The following VEGFD variants were observed in gnomAD, a reference collection of about 807,000 sequenced individuals.
VEGFD encodes vascular endothelial growth factor D.
Under a neutral mutation model 28.0 loss-of-function variants are expected in VEGFD, and 26 were observed. The ratio of observed to expected loss-of-function variants is 0.93; its 90% confidence interval spans 0.68 to 1.29. VEGFD has a LOEUF of 1.29. Ranked by LOEUF, VEGFD falls within the 50% of genes most tolerant of loss-of-function variation. VEGFD has a pLI of 0.00. For missense variants in VEGFD, 294 were observed against 273.4 expected (o/e 1.08, Z -0.53); for synonymous variants, 93 against 95.5 (o/e 0.97, Z 0.15).
chrX:15,349,588 T>C (rs780990000), intron 5 of VEGFD, among the ~76,000 whole-genome samples: 7 of 112,096 alleles, frequency 6.2e-5, no homozygotes, highest in East Asian at 2.8e-4. Flanking sequence ...AAGGAAGGGA[T>C]ATATTAAGTA....
intron 2 of VEGFD, 79 bp from the exon 3 acceptor site, chrX:15,358,272 AAC>A: frequency 1.2e-6 from 1 of 848,112 alleles, no homozygotes; most frequent in Non-Finnish European, 1.6e-6. Flanking sequence ...GGTTATGCTG[AAC>A]ACAGTCATTT....
intron 2 of VEGFD, among the ~76,000 whole-genome samples, chrX:15,361,229 G>A (rs909576115): frequency 8.9e-6 from 1 of 112,163 alleles, no homozygotes. Flanking sequence ...TTATGGTAAC[G>A]TTCATGTTCA....
At chrX:15,362,311 C>A (rs1288475196) in intron 2 of VEGFD, among the ~76,000 whole-genome samples, 4 of 111,557 alleles carry the variant, frequency 3.6e-5, no homozygotes, top group Admixed American at 9.5e-5. Flanking sequence ...AATACCAGTA[C>A]CCAATATTAC....
intron 1 of VEGFD, among the ~76,000 whole-genome samples, chrX:15,373,262 C>G: frequency 8.9e-6 from 1 of 111,918 alleles, no homozygotes; most frequent in South Asian, 3.7e-4. Flanking sequence ...GTAAGGCCAT[C>G]AGCAAAGAAG....
chrX:15,362,230 T>G (rs1466144978), intron 2 of VEGFD, among the ~76,000 whole-genome samples: 1 of 111,788 alleles, frequency 8.9e-6, no homozygotes, highest in East Asian at 2.8e-4. Context: ...TATTTCAAAT[T>G]ATGTTATTTT....
intron 5 of VEGFD, among the ~76,000 whole-genome samples, chrX:15,351,408 C>T (rs1037391255): frequency 8.4e-5 from 9 of 107,645 alleles, no homozygotes; most frequent in Non-Finnish European, 1.5e-4. Context: ...CGTGAGCCAC[C>T]GCGCCCGGCC....
At chrX:15,346,341 TTTTC>T in intron 6 of VEGFD, 82 bp from the exon 7 acceptor site, 16 of 1,033,952 alleles carry the variant, frequency 1.5e-5, no homozygotes. Context: ...TTTGATTAAG[TTTTC>T]CAGACATGTA....
At chrX:15,355,439 G>T in intron 3 of VEGFD, 141 bp from the exon 4 acceptor site, 1 of 420,167 alleles carries the variant, frequency 2.4e-6, no homozygotes, top group Non-Finnish European at 3.8e-6. Flanking sequence ...AACTAAACAG[G>T]CTCATCTAAC....
chrX:15,347,478 A>G, intron 5 of VEGFD, 119 bp from the exon 6 acceptor site: 1 of 504,553 alleles, frequency 2.0e-6, no homozygotes, highest in Non-Finnish European at 3.1e-6. Flanking sequence ...TCTCCTTCCT[A>G]TAGATTTATG....
intron 1 of VEGFD, among the ~76,000 whole-genome samples, chrX:15,366,076 G>A (rs1051272691): frequency 1.8e-5 from 2 of 111,396 alleles, no homozygotes; most frequent in South Asian, 7.5e-4. Flanking sequence ...GCGCGATCTC[G>A]GCTCACTGCA....
chrX:15,357,571 T>G (rs868739778), intron 3 of VEGFD, among the ~76,000 whole-genome samples: 1 of 111,947 alleles, frequency 8.9e-6, no homozygotes, highest in South Asian at 3.7e-4. Flanking sequence ...TTTCCCCAAT[T>G]CTGCCCACAA....
At chrX:15,382,618 A>G (rs1161448994) in intron 1 of VEGFD, among the ~76,000 whole-genome samples, 1 of 111,795 alleles carries the variant, frequency 8.9e-6, no homozygotes, top group Non-Finnish European at 1.9e-5. Context: ...TTCTCCTGTT[A>G]CCTATGCTTA....
At chrX:15,360,528 G>A (rs966945425) in intron 2 of VEGFD, among the ~76,000 whole-genome samples, 4 of 109,980 alleles carry the variant, frequency 3.6e-5, no homozygotes, top group South Asian at 3.9e-4. Context: ...TAGTAGAGAC[G>A]GAGTTTCACC....
At chrX:15,369,358 A>T (rs762553241) in intron 1 of VEGFD, among the ~76,000 whole-genome samples, 10 of 111,022 alleles carry the variant, frequency 9.0e-5, no homozygotes, top group Non-Finnish European at 1.9e-4. Flanking sequence ...AGGGGAAAAA[A>T]AAAACAGCAA....
chrX:15,351,100 C>T (rs1417286196), intron 5 of VEGFD, among the ~76,000 whole-genome samples: 2 of 80,130 alleles, frequency 2.5e-5, no homozygotes, highest in Non-Finnish European at 4.6e-5. Context: ...CATGTTGGCC[C>T]GGCTGGTTTT....
At chrX:15,373,013 G>A (rs987099354) in intron 1 of VEGFD, among the ~76,000 whole-genome samples, 1 of 111,442 alleles carries the variant, frequency 9.0e-6, no homozygotes, top group Non-Finnish European at 1.9e-5. Flanking sequence ...CTAAATGACA[G>A]ACTAAATTGC....
intron 1 of VEGFD, among the ~76,000 whole-genome samples, chrX:15,368,018 GAAA>G (rs1412432145): frequency 8.8e-4 from 75 of 85,041 alleles, no homozygotes; most frequent in African/African-American, 3.5e-3. Flanking sequence ...AAGAAAGAAA[GAAA>G]GAAAGAAAGG....
In VEGFD at chrX:15,346,129, T is replaced by C; in HGVS notation, c.*4A>G. On this transcript the variant is annotated 3_prime_UTR_variant, in exon 7 of 7. Coordinates refer to ENST00000297904, the MANE Select transcript of VEGFD (RefSeq NM_004469.5). ...GACAGGGATGGGGAACTTGGAACGC[T>C]GAATCAAGGATTCTTTCGGCTGTGG... 3 of 1,209,365 alleles carry C rather than the reference T, an allele frequency of 2.5e-6. No homozygotes were observed. Among genetic ancestry groups the C allele is most frequent in the Middle Eastern group, 4.6e-4 (2 of 4,332 alleles).
intron 5 of VEGFD, among the ~76,000 whole-genome samples, chrX:15,352,599 A>C (rs764170190): frequency 8.9e-6 from 1 of 112,242 alleles, no homozygotes; most frequent in East Asian, 2.8e-4. Context: ...ACCAAGTCCA[A>C]AATTACTTTA....
Sources: allele counts gnomAD v4.1 joint callset (sites outside exome capture counted in the v4.1 genomes callset), GRCh38; gene constraint gnomAD v4.1.1; transcripts MANE v1.5; gene names NCBI Gene and HGNC (gene_info 2026-07-23, HGNC 2026-07-21).